The following PKP3 variants were observed in gnomAD, a reference collection of about 807,000 sequenced individuals.
The protein encoded by PKP3 is plakophilin-3.
Under a neutral mutation model 76.5 loss-of-function variants are expected in PKP3, and 66 were observed. The observed-to-expected ratio is 0.86, with a 90% CI of 0.71 to 1.06. The LOEUF (loss-of-function observed/expected upper bound fraction) is 1.06, where lower values mean the gene tolerates loss of function less well. Ranked by LOEUF, PKP3 falls within the 50% of genes least tolerant of loss-of-function variation. PKP3 has a pLI of 0.00. For missense variants in PKP3, 1,338 were observed against 1,141.0 expected (o/e 1.17, Z -2.49); for synonymous variants, 638 against 516.5 (o/e 1.24, Z -3.19).
rs1400585069 is a variant in PKP3, at chr11:404,285, C to T, written c.2320C>T (p.Leu774=). 6.2e-7 allele frequency: 1 copy of T among 1,612,672 alleles called. No individual in the cohort carries two copies. Among genetic ancestry groups the T allele is most frequent in the Middle Eastern group, 1.7e-4 (1 of 6,060 alleles). ...SRAASSLLAN[L]WQYNKLHRDF... is the part of the protein sequence containing the mutation. ...GGCAGCATCCAGCCTCCTGGCCAAC[C>T]TGTGGCAGTACAACAAGCTCCACCG... Residue 774 remains leucine, a synonymous_variant, in exon 12 of 13, where the codon CTG becomes TTG. Transcript: ENST00000331563. This position sits in a 1 kb window ranked among gnomAD's most constrained non-coding sequence, Gnocchi z 4.2.
At chr11:400,508 GC>G in intron 7 of PKP3, 26 bp from the exon 8 acceptor site, 1 of 1,488,106 alleles carries the variant, frequency 6.7e-7, no homozygotes. Flanking sequence ...TCTGACCCGC[GC>G]CCCTGCCCCG....
At chr11:392,974 C>T (rs1291071961), upstream of PKP3, among the ~76,000 whole-genome samples, 4 of 151,942 alleles carry the variant, frequency 2.6e-5, no homozygotes. Context: ...AAGGGTCTGC[C>T]CTGGAGGAGA....
rs1564881173 is a variant in PKP3, at chr11:400,644, C to A, written c.1676C>A (p.Ala559Glu). The A allele has an allele frequency of 1.8e-5, 25 of 1,371,590 alleles. No individual in the cohort carries two copies. The South Asian group carries it at 2.7e-4, about 15-fold the overall frequency. 85.0% of individuals were successfully genotyped at this position (1,371,590 alleles called of 1,614,324 possible). Residue 559 changes from alanine to glutamate, a missense_variant, in exon 8 of 13, where the codon GCG becomes GAG. Coordinates refer to ENST00000331563, the MANE Select transcript of PKP3 (RefSeq NM_007183.4). ...GAGGGTCGCGGCCGCAGGGACCTGGCGGGGGCGCCGCCGGGAGAGGTCGTG... is the reference window on the plus strand; with the variant it reads ...GAGGGTCGCGGCCGCAGGGACCTGGAGGGGGCGCCGCCGGGAGAGGTCGTG... ...RLEGRGRRDL[A>E]GAPPGEVVGC... is the part of the protein sequence containing the mutation.
At position 400,059 on chromosome 11, in the gene PKP3, C is replaced by G. The variant is rs147705102; in HGVS notation, c.1366C>G (p.Leu456Val). ...GCTCACAGACCTGGTGTTGAGCCCC[C>G]TGTCGGGGGCTGGGGGTCCCCCCCT... is the stretch of plus-strand genomic sequence containing the variant. ...EQLTDLVLSPLSGAGGPPLIQ... is the reference protein window; with the variant it reads ...EQLTDLVLSPVSGAGGPPLIQ... Residue 456 changes from leucine to valine, a missense_variant, in exon 6 of 13, where the codon CTG becomes GTG. By Grantham distance (32) the Leu-to-Val change is conservative. Transcript: ENST00000331563. 22 of 1,604,590 alleles carry G rather than the reference C, an allele frequency of 1.4e-5. No individual in the cohort carries two copies. The highest frequency in any genetic ancestry group is 8.5e-7 in the Non-Finnish European group (1 of 1,177,460).
chr11:400,505 C>T (rs1193592697), intron 7 of PKP3, 30 bp from the exon 8 acceptor site: 3 of 1,498,652 alleles, frequency 2.0e-6, no homozygotes, highest in African/African-American at 2.8e-5. Flanking sequence ...CGCTCTGACC[C>T]GCGCCCCTGC....
At chr11:398,352 G>A (rs573682229) in intron 4 of PKP3, among the ~76,000 whole-genome samples, 1 of 4,272 alleles carries the variant, frequency 2.3e-4, no homozygotes, top group Non-Finnish European at 3.3e-4. Flanking sequence ...CGTCACCTCC[G>A]TACCCCCGCA....
At position 397,760 on chromosome 11, in the gene PKP3, T is replaced by A. The variant is rs149165268; in HGVS notation, c.1068+98T>A. 8.1e-5 allele frequency: 101 copies of A among 1,252,362 alleles called. No individual in the cohort carries two copies. In the East Asian group the frequency reaches 2.5e-3, roughly 31 times the overall value. The allele number at this position is 1,252,362 out of a possible 1,614,324, so 77.6% of individuals were successfully genotyped here. ...TCTGCTCACTGAGCACCCCTCATGA[T>A]CCCCAAGCTGACTGGGTAGACCCCA... On this transcript the variant is annotated intron_variant, in intron 4 of 12. Coordinates refer to ENST00000331563, the MANE Select transcript of PKP3 (RefSeq NM_007183.4).
intron 6 of PKP3, 21 bp downstream of exon 6, chr11:400,162 G>C (rs759611742): frequency 2.3e-4 from 344 of 1,521,718 alleles, no homozygotes; most frequent in Non-Finnish European, 2.8e-4. Context: ...CTCGGGCAGC[G>C]GGGTGGGGAT....
intron 1 of PKP3, among the ~76,000 whole-genome samples, chr11:394,738 C>A (rs1207684052): frequency 6.6e-6 from 1 of 152,188 alleles, no homozygotes; most frequent in Non-Finnish European, 1.5e-5. Context: ...AAAGACTGAG[C>A]CTGGCCAGGC....
intron 1 of PKP3, among the ~76,000 whole-genome samples, chr11:394,955 G>A (rs868558273): frequency 5.9e-5 from 9 of 152,366 alleles, no homozygotes; most frequent in South Asian, 4.1e-4. Context: ...ACGGGAAAGC[G>A]GGGAGAGGTG....
rs532196661 is a variant in PKP3, at chr11:397,228, A to G, written c.727A>G (p.Ile243Val). 2 of 1,599,544 alleles carry G rather than the reference A, an allele frequency of 1.3e-6. No individual in the cohort carries two copies. The highest frequency in any genetic ancestry group is 1.7e-6 in the Non-Finnish European group (2 of 1,178,986). Residue 243 changes from isoleucine (I) to valine (V), a missense_variant, in exon 3 of 13, where the codon ATC (isoleucine) becomes GTC (valine). By Grantham distance (29) the Ile-to-Val change is conservative. Transcript: ENST00000331563. ...EATEVSPSRT[I>V]RAPAVRTLQR... Reference sequence around the variant, plus strand: ...CACTGAGGTTTCCCCGAGCCGGACCATCCGTGCCCCTGCCGTGCGGACCCT... The same window carrying G: ...CACTGAGGTTTCCCCGAGCCGGACCGTCCGTGCCCCTGCCGTGCGGACCCT...
chr11:399,873 C>T (rs565936907), intron 5 of PKP3, 94 bp from the exon 6 acceptor site: 20 of 1,052,722 alleles, frequency 1.9e-5, no homozygotes, highest in African/African-American at 6.4e-5. Context: ...ACCAGGCCAG[C>T]CCCTGGGGAG....
upstream of PKP3, among the ~76,000 whole-genome samples, chr11:393,904 T>G (rs1335066066): frequency 6.6e-6 from 1 of 152,046 alleles, no homozygotes; most frequent in East Asian, 1.9e-4. Context: ...TCCCTGACAC[T>G]CAGGACACAG....
In PKP3 at chr11:399,121, G is replaced by A; in HGVS notation, c.1198G>A (p.Val400Met). The change falls in exon 5 of 13, where the codon GTG becomes ATG. Residue 400 changes from valine (V) to methionine (M), a missense_variant. By Grantham distance (21) the Val-to-Met change is conservative. Coordinates refer to ENST00000331563, the MANE Select transcript of PKP3 (RefSeq NM_007183.4). Reference protein sequence around the residue: ...YDNADNKLALVEENGIFELLR... With the variant: ...YDNADNKLALMEENGIFELLR... ...CAACGCTGACAACAAGCTGGCCCTG[G>A]TGGAGGAGAACGGGATCTTCGAGCT... 1.9e-6 allele frequency: 3 copies of A among 1,612,054 alleles called. No individual in the cohort carries two copies. The highest frequency in any genetic ancestry group is 2.5e-6 in the Non-Finnish European group (3 of 1,179,482).
chr11:403,629 G>T lies in PKP3; in HGVS notation c.1935G>T (p.Val645=), dbSNP rs749074858. The T allele has an allele frequency of 1.2e-6, 2 of 1,605,766 alleles. No homozygotes were observed. Among genetic ancestry groups the T allele is most frequent in the Admixed American group, 3.3e-5 (2 of 60,002 alleles). Residue 645 remains valine, a synonymous_variant, in exon 10 of 13, where the codon GTG becomes GTT. Transcript: ENST00000331563. ...ITAGDRRWAG[V]LSRLALEQER... ...CTCCCTCCCCACAGTGGGCGGGGGT[G>T]CTGAGCCGCCTGGCCCTGGAGCAGG...
rs186017865 is a variant in PKP3 at position 397,828 on chromosome 11, C to A, written c.1068+166C>A. 1.4e-3 allele frequency: 948 copies of A among 661,418 alleles called. 5 individuals carry two copies. The African/African-American group carries it at 0.015, about 10-fold the overall frequency. 41.0% of individuals were successfully genotyped at this position (661,418 alleles called of 1,614,324 possible). A position where few individuals can be genotyped will look rare whatever the true frequency, so the allele number is the denominator to read the frequency against. ...TCAGCAGAGGAAGAGCAGAAGGATA[C>A]AATTTGGATACACCAGTATCACCTG... On this transcript the variant is annotated intron_variant, in intron 4 of 12. Transcript: ENST00000331563.
At chr11:393,142 G>T (rs1016364344), upstream of PKP3, among the ~76,000 whole-genome samples, 1 of 149,658 alleles carries the variant, frequency 6.7e-6, no homozygotes, top group African/African-American at 2.5e-5. Flanking sequence ...AGAGGCTAGA[G>T]GGCCTCAGAG....
rs144447333 is a variant in PKP3 at position 400,075 on chromosome 11, G to A, written c.1382G>A (p.Gly461Asp). The stretch of plus-strand genomic sequence containing the variant: ...TTGAGCCCCCTGTCGGGGGCTGGGG[G>A]TCCCCCCCTCATCCAGCAGAACGCC... ...LVLSPLSGAG[G>D]PPLIQQNASE... The change falls in exon 6 of 13, where the codon GGT becomes GAT. Residue 461 changes from glycine to aspartate, a missense_variant. Coordinates refer to ENST00000331563, the MANE Select transcript of PKP3 (RefSeq NM_007183.4). The A allele has an allele frequency of 8.5e-4, 1,365 of 1,600,646 alleles. No individual in the cohort carries two copies. Among genetic ancestry groups the A allele is most frequent in the Non-Finnish European group, 9.9e-4 (1,160 of 1,176,198 alleles).
Position 399,074 on chromosome 11 carries a change from C to A in PKP3, c.1151C>A (p.Ala384Asp). The change falls in exon 5 of 13, where the codon GCC (alanine) becomes GAC (aspartate). Residue 384 changes from alanine (A) to aspartate (D), a missense_variant. Physicochemically the swap from Ala to Asp is moderately radical, Grantham distance 126. Transcript: ENST00000331563. ...GAAGTGCAGCGCCATGCCACAGGTG[C>A]CATGCGCAACCTCATCTACGACAAC... ...NQEVQRHATG[A>D]MRNLIYDNAD... The A allele has an allele frequency of 6.2e-7, 1 of 1,611,244 alleles. No homozygotes were observed. The highest frequency in any genetic ancestry group is 2.2e-5 in the East Asian group (1 of 44,844).
Sources: allele counts gnomAD v4.1 joint callset (sites outside exome capture counted in the v4.1 genomes callset), GRCh38; gene constraint gnomAD v4.1.1; non-coding constraint Gnocchi (gnomAD v3.1); transcripts MANE v1.5; gene names NCBI Gene and HGNC (gene_info 2026-07-23, HGNC 2026-07-21).